The following MET variants were observed in gnomAD, a reference collection of about 807,000 sequenced individuals.
MET encodes hepatocyte growth factor receptor.
Under a neutral mutation model 133.1 loss-of-function variants are expected in MET, and 48 were observed. The ratio of observed to expected loss-of-function variants is 0.36; its 90% confidence interval spans 0.29 to 0.46. The LOEUF (loss-of-function observed/expected upper bound fraction) is 0.46. Among genes scored for constraint, MET ranks in the 20% least tolerant of loss-of-function variants. The pLI, the probability that MET is intolerant of heterozygous loss-of-function variation, is 1.00. For missense variants in MET, 1,442 were observed against 1,695.9 expected (o/e 0.85, Z 2.63); for synonymous variants, 628 against 616.5 (o/e 1.02, Z -0.28).
intron 20 of MET, 34 bp downstream of exon 20, chr7:116,795,825 A>G: frequency 1.2e-6 from 2 of 1,614,102 alleles, no homozygotes; most frequent in Admixed American, 1.7e-5. Flanking sequence ...TACGTTCTTT[A>G]CTTTTACAGA....
At chr7:116,746,041 G>T (rs1026878880) in intron 5 of MET, among the ~76,000 whole-genome samples, 5 of 152,016 alleles carry the variant, frequency 3.3e-5, no homozygotes, top group African/African-American at 4.8e-5. Context: ...TCTGACAAAG[G>T]GCTAATATCC....
chr7:116,778,739 A>C, intron 16 of MET, 37 bp from the exon 17 acceptor site: 1 of 1,606,812 alleles, frequency 6.2e-7, no homozygotes, highest in Admixed American at 1.7e-5. Context: ...TCACTGTTCC[A>C]TAATGAAGTT....
At chr7:116,735,919 G>A (rs2116806956) in intron 3 of MET, among the ~76,000 whole-genome samples, 2 of 151,906 alleles carry the variant, frequency 1.3e-5, no homozygotes, top group South Asian at 2.1e-4. Flanking sequence ...TGGGATTACA[G>A]GCACGTACCA....
chr7:116,732,178 A>C (rs981697277), intron 3 of MET, among the ~76,000 whole-genome samples: 1 of 152,160 alleles, frequency 6.6e-6, no homozygotes, highest in African/African-American at 2.4e-5. Flanking sequence ...ACTTCTAGGC[A>C]ATTTTTTTTT....
At chr7:116,675,196 A>G (rs1195250265) in intron 1 of MET, among the ~76,000 whole-genome samples, 2 of 152,236 alleles carry the variant, frequency 1.3e-5, no homozygotes, top group African/African-American at 4.8e-5. Flanking sequence ...CTAGATCCAC[A>G]TTTGCCTGAC....
chr7:116,751,878 G>A (rs1009725204), intron 5 of MET, among the ~76,000 whole-genome samples: 26 of 152,092 alleles, frequency 1.7e-4, no homozygotes, highest in Non-Finnish European at 2.6e-4. Flanking sequence ...TGGCTAACAC[G>A]GTGAAACCCT....
chr7:116,737,359 G>A (rs890175917), intron 3 of MET, among the ~76,000 whole-genome samples: 8 of 152,158 alleles, frequency 5.3e-5, no homozygotes, highest in African/African-American at 1.7e-4. Context: ...ACTGAAACAC[G>A]GAGTAACTGG....
At chr7:116,790,713 T>C (rs1009982159) in intron 19 of MET, among the ~76,000 whole-genome samples, 3 of 152,224 alleles carry the variant, frequency 2.0e-5, no homozygotes, top group African/African-American at 7.2e-5. Flanking sequence ...GAGTAGTTCA[T>C]CTCTTTTTAT....
intron 19 of MET, among the ~76,000 whole-genome samples, chr7:116,789,863 C>T (rs779786138): frequency 2.6e-5 from 4 of 152,110 alleles, no homozygotes; most frequent in Non-Finnish European, 5.9e-5. Context: ...AGATTTGTTA[C>T]GTAGGTAAAC....
intron 5 of MET, among the ~76,000 whole-genome samples, chr7:116,749,497 A>G (rs1234737057): frequency 6.6e-6 from 1 of 152,214 alleles, no homozygotes; most frequent in African/African-American, 2.4e-5. Flanking sequence ...CCCACAGCCA[A>G]TATCATTTTG....
intron 10 of MET, 71 bp from the exon 11 acceptor site, chr7:116,762,978 TA>T: frequency 8.0e-7 from 1 of 1,250,778 alleles, no homozygotes; most frequent in African/African-American, 1.5e-5. Context: ...ATTGGGGTGG[TA>T]AATTATAAAG....
Position 116,704,384 on chromosome 7 carries a change from G to A in MET, c.1200+4100G>A, listed in dbSNP as rs559504357. ...TTAAACTCTGAACCCATCGTCCTGC[G>A]TGCAGGACTATAGTGTGGACAAGTA... is the stretch of plus-strand genomic sequence containing the variant. On this transcript the variant is annotated intron_variant, in intron 2 of 20. Coordinates refer to ENST00000397752, the MANE Select transcript of MET (RefSeq NM_000245.4). Among the ~76,000 whole-genome samples, 79 of 152,160 alleles carry A rather than the reference G, an allele frequency of 5.2e-4. No individual in the cohort carries two copies. The South Asian group carries it at 0.014, about 27-fold the overall frequency.
rs1368400781 is a variant in MET, at chr7:116,798,188, C to T, written c.*2064C>T. 1 of 213,332 alleles carries T rather than the reference C, an allele frequency of 4.7e-6. No homozygotes were observed. The highest frequency in any genetic ancestry group is 9.5e-6 in the Non-Finnish European group (1 of 105,194). The allele number at this position is 213,332 out of a possible 1,614,324, so 13.2% of individuals were successfully genotyped here. A position where few individuals can be genotyped will look rare whatever the true frequency, so the allele number is the denominator to read the frequency against. On this transcript the variant is annotated 3_prime_UTR_variant, in exon 21 of 21. Transcript: ENST00000397752. The stretch of plus-strand genomic sequence containing the variant: ...TGTATATACATTCTTGAGAACACTG[C>T]AATGTGAAAATCACGTTTGCTATTT...
Position 116,767,881 on chromosome 7 carries a change from T to C in MET, c.2584-1764T>C, listed in dbSNP as rs1584951321. Among the ~76,000 whole-genome samples, 6 of 151,312 alleles carry C rather than the reference T, an allele frequency of 4.0e-5. No individual in the cohort carries two copies. The South Asian group carries it at 1.3e-3, about 32-fold the overall frequency. On this transcript the variant is annotated intron_variant, in intron 11 of 20. Coordinates refer to ENST00000397752, the MANE Select transcript of MET (RefSeq NM_000245.4). ...AGCCTATACCTTTTAAAATTTTTCC[T>C]TTTTTGGGCCCCATTGTTATATAGA...
intron 3 of MET, among the ~76,000 whole-genome samples, chr7:116,733,372 A>G (rs1793095914): frequency 6.6e-6 from 1 of 150,508 alleles, no homozygotes; most frequent in South Asian, 2.1e-4. Context: ...AAAATCGTCC[A>G]TTACCTCACC....
chr7:116,724,845 A>G (rs1792678897), intron 2 of MET: 7 of 1,288,862 alleles, frequency 5.4e-6, no homozygotes, highest in Non-Finnish European at 7.1e-6. Flanking sequence ...CCCTGCACTG[A>G]AGGTAATGTG....
intron 5 of MET, among the ~76,000 whole-genome samples, chr7:116,750,191 G>GT (rs970953696): frequency 6.6e-6 from 1 of 151,896 alleles, no homozygotes; most frequent in African/African-American, 2.4e-5. Flanking sequence ...ATACTACAAG[G>GT]TTGCAGTAAC....
Position 116,758,477 on chromosome 7 carries a change from T to C in MET, c.2121T>C (p.Leu707=), listed in dbSNP as rs745718484. 2 of 1,613,798 alleles carry C rather than the reference T, an allele frequency of 1.2e-6. No homozygotes were observed. Among genetic ancestry groups the C allele is most frequent in the East Asian group, 2.2e-5 (1 of 44,850 alleles). The change falls in exon 9 of 21, where the codon CTT becomes CTC. Residue 707 remains leucine (L), a synonymous_variant. Transcript: ENST00000397752. ...TGTTCAGTGTGTCAAACAGTATTCT[T>C]GAATGTTATACCCCAGCCCAAACCA... is the stretch of plus-strand genomic sequence containing the variant. ...CTLKSVSNSI[L]ECYTPAQTIS...
intron 1 of MET, among the ~76,000 whole-genome samples, chr7:116,694,224 T>C (rs1174812703): frequency 6.6e-6 from 1 of 152,178 alleles, no homozygotes; most frequent in East Asian, 1.9e-4. Context: ...GGGCCTTTAT[T>C]AATGGGAATG....
Sources: gnomAD v4.1 joint callset for allele counts (sites outside exome capture counted in the v4.1 genomes callset) on GRCh38, gnomAD v4.1.1 for gene constraint, MANE v1.5 for transcripts, NCBI Gene and HGNC (gene_info 2026-07-23, HGNC 2026-07-21) for gene names.